HCRTR2: variants seen among roughly 807,000 people sequenced by gnomAD.
HCRTR2 encodes the protein hypocretin receptor 2, also known as orexin receptor type 2.
HCRTR2 carries 22 observed loss-of-function variants against 49.0 expected under a neutral mutation model. The observed-to-expected ratio is 0.45, with a 90% CI of 0.32 to 0.64. The LOEUF (loss-of-function observed/expected upper bound fraction) is 0.64, where lower values mean the gene tolerates loss of function less well. HCRTR2 is among the 30% of genes least tolerant of loss of function. The pLI, the probability that HCRTR2 is intolerant of heterozygous loss-of-function variation, is 0.04. For missense variants in HCRTR2, 491 were observed against 559.4 expected (o/e 0.88, Z 1.23); for synonymous variants, 236 against 205.3 (o/e 1.15, Z -1.28).
intron 1 of HCRTR2, among the ~76,000 whole-genome samples, chr6:55,132,797 CA>C (rs1310809685): frequency 2.0e-4 from 29 of 143,566 alleles, no homozygotes; most frequent in African/African-American, 7.2e-4. Flanking sequence ...AACAAACAAA[CA>C]AAGTGTTTGA....
chr6:55,264,187 T>A (rs1160009333), intron 4 of HCRTR2, among the ~76,000 whole-genome samples: 3 of 152,110 alleles, frequency 2.0e-5, no homozygotes, highest in African/African-American at 7.2e-5. Flanking sequence ...AAAATTCCTT[T>A]AGAGATTTTT....
intron 1 of HCRTR2, among the ~76,000 whole-genome samples, chr6:55,144,341 C>G (rs1398428878): frequency 6.6e-6 from 1 of 151,912 alleles, no homozygotes; most frequent in African/African-American, 2.4e-5. Flanking sequence ...GTCTTGAACT[C>G]CAGACCTCAA....
chr6:55,158,893 A>C (rs939733255), intron 1 of HCRTR2, among the ~76,000 whole-genome samples: 4 of 152,152 alleles, frequency 2.6e-5, no homozygotes, highest in Non-Finnish European at 4.4e-5. Flanking sequence ...GCAGACTTAA[A>C]TATTGCCGCA....
rs192914577 is a variant in HCRTR2, at chr6:55,109,704, T to C, written c.-378+3159T>C. Among the ~76,000 whole-genome samples, 10 of 152,058 alleles carry C rather than the reference T, an allele frequency of 6.6e-5. No homozygotes were observed. In the East Asian group the frequency reaches 1.9e-3, roughly 30 times the overall value. ...GATTTTTTTTTTAATGAAAAAAGCC[T>C]CCAAGAAGTTTGGGATATGTTAAGC... On this transcript the variant is annotated intron_variant, in intron 1 of 7. Transcript: ENST00000615358.
chr6:55,200,834 T>A (rs937777744), intron 1 of HCRTR2, among the ~76,000 whole-genome samples: 19 of 152,214 alleles, frequency 1.2e-4, no homozygotes, highest in Admixed American at 1.2e-3. Flanking sequence ...TCTGTTTAGA[T>A]ATTTAGAAAG....
At chr6:55,243,165 A>G (rs1562019674) in intron 1 of HCRTR2, among the ~76,000 whole-genome samples, 1 of 152,170 alleles carries the variant, frequency 6.6e-6, no homozygotes, top group Non-Finnish European at 1.5e-5. Flanking sequence ...CTGCATTTCA[A>G]AAATACTATT....
In HCRTR2 at chr6:55,245,467, TTTTATATATATATATATATATA is replaced by T. The variant is rs1312219919; in HGVS notation, c.224-3170_224-3149del. Among the ~76,000 whole-genome samples, 8 of 101,378 alleles carry T rather than the reference TTTTATATATATATATATATATA, an allele frequency of 7.9e-5. 1 individual carries two copies. Among genetic ancestry groups the T allele is most frequent in the African/African-American group, 3.5e-4 (8 of 22,832 alleles). 66.5% of individuals were successfully genotyped at this position (101,378 alleles called of 152,430 possible). On this transcript the variant is annotated intron_variant, in intron 1 of 6. Coordinates refer to ENST00000370862, the MANE Select transcript of HCRTR2 (RefSeq NM_001384272.1). The stretch of plus-strand genomic sequence containing the variant: ...TATACACATAGAATACATAGGAAGA[TTTTATATATATATATATATATA>T]TATATATATATATATATCTTCCCCA...
intron 1 of HCRTR2, among the ~76,000 whole-genome samples, chr6:55,151,133 C>A (rs958055401): frequency 1.3e-5 from 2 of 151,966 alleles, no homozygotes; most frequent in Non-Finnish European, 2.9e-5. Context: ...TTGATGGTTG[C>A]TGACTTATGA....
At chr6:55,242,679 A>C (rs1304460533) in intron 1 of HCRTR2, among the ~76,000 whole-genome samples, 1 of 152,188 alleles carries the variant, frequency 6.6e-6, no homozygotes, top group Non-Finnish European at 1.5e-5. Flanking sequence ...AAGAGACACA[A>C]TCTTACATAT....
chr6:55,110,534 A>G (rs1307260426), intron 1 of HCRTR2, among the ~76,000 whole-genome samples: 1 of 152,142 alleles, frequency 6.6e-6, no homozygotes, highest in Non-Finnish European at 1.5e-5. Flanking sequence ...GTAGAAAAAG[A>G]TATTCCATGC....
chr6:55,258,924 G>A (rs993573364), intron 3 of HCRTR2, among the ~76,000 whole-genome samples: 1 of 152,146 alleles, frequency 6.6e-6, no homozygotes, highest in South Asian at 2.1e-4. Context: ...GGTGGTGGGC[G>A]CCTGTAATTC....
At chr6:55,148,483 A>G (rs995955763) in intron 1 of HCRTR2, among the ~76,000 whole-genome samples, 2 of 152,136 alleles carry the variant, frequency 1.3e-5, no homozygotes, top group African/African-American at 4.8e-5. Context: ...AGGCAGTAAC[A>G]GCCTTACTTG....
intron 1 of HCRTR2, among the ~76,000 whole-genome samples, chr6:55,123,586 TC>T (rs1401902080): frequency 2.0e-5 from 3 of 152,138 alleles, no homozygotes; most frequent in African/African-American, 7.2e-5. Flanking sequence ...CCTGAAATTT[TC>T]CTTTTTTGTT....
At chr6:55,264,742 C>T (rs1342606570) in intron 4 of HCRTR2, among the ~76,000 whole-genome samples, 3 of 151,990 alleles carry the variant, frequency 2.0e-5, no homozygotes, top group Non-Finnish European at 4.4e-5. Context: ...CTTAAAATGC[C>T]ACAATTCTTA....
At chr6:55,185,237 C>T (rs578210832) in intron 1 of HCRTR2, among the ~76,000 whole-genome samples, 13 of 152,088 alleles carry the variant, frequency 8.5e-5, no homozygotes, top group African/African-American at 3.1e-4. Context: ...AAAATAACTT[C>T]ATAATTATTG....
At chr6:55,135,882 G>A (rs1047627978) in intron 1 of HCRTR2, among the ~76,000 whole-genome samples, 1 of 152,132 alleles carries the variant, frequency 6.6e-6, no homozygotes, top group Non-Finnish European at 1.5e-5. Flanking sequence ...CATGGAAAAG[G>A]AAATTTGGTG....
chr6:55,264,062 G>T (rs978770991), intron 4 of HCRTR2: 4 of 451,820 alleles, frequency 8.9e-6, no homozygotes, highest in African/African-American at 2.0e-5. Flanking sequence ...TTCAGGAAAT[G>T]TATTTTATAA....
intron 1 of HCRTR2, among the ~76,000 whole-genome samples, chr6:55,154,968 A>T (rs1393203027): frequency 4.6e-5 from 7 of 151,792 alleles, no homozygotes; most frequent in Non-Finnish European, 7.4e-5. Context: ...TAAGGAAACA[A>T]TCCCCATTAC....
intron 1 of HCRTR2, among the ~76,000 whole-genome samples, chr6:55,226,971 T>C (rs1766020888): frequency 6.6e-6 from 1 of 152,120 alleles, no homozygotes; most frequent in Admixed American, 6.5e-5. Flanking sequence ...AAGTAACTTT[T>C]CTTATTTCAA....
Sources: gnomAD v4.1 joint callset for allele counts (sites outside exome capture counted in the v4.1 genomes callset) on GRCh38, gnomAD v4.1.1 for gene constraint, MANE v1.5 for transcripts, NCBI Gene and HGNC (gene_info 2026-07-23, HGNC 2026-07-21) for gene names.